Variants in ABCD3 observed in about 807,000 individuals in gnomAD.
ABCD3 encodes the protein ATP-binding cassette sub-family D member 3.
ABCD3 carries 41 observed loss-of-function variants against 105.5 expected under a neutral mutation model. The ratio of observed to expected loss-of-function variants is 0.39; its 90% CI spans 0.30 to 0.50. The LOEUF is 0.50. ABCD3 is among the 20% of genes least tolerant of loss of function. The probability of loss-of-function intolerance (pLI) is 0.84; values close to 1 mark genes in which losing one functional copy is unlikely to be tolerated. For synonymous variants in ABCD3, 258 were observed against 269.0 expected, an observed-to-expected ratio of 0.96 and a Z score of 0.40; for missense variants, 622 against 806.3, an observed-to-expected ratio of 0.77 and a Z score of 2.77.
chr1:94,468,475 A>G (rs1648269740), intron 4 of ABCD3, among the ~76,000 whole-genome samples: 1 of 152,114 alleles, frequency 6.6e-6, no homozygotes, highest in Non-Finnish European at 1.5e-5. Flanking sequence ...TGCTTTTTAT[A>G]TTTTTTCATT....
At chr1:94,395,355 G>A in the ABCD3 span, among the ~76,000 whole-genome samples, 1 of 152,174 alleles carries the variant, frequency 6.6e-6, no homozygotes, top group African/African-American at 2.4e-5. Flanking sequence ...GTTCCACAGG[G>A]AACTCCTCAA....
At chr1:94,430,386 CA>C (rs1659625886) in intron 1 of ABCD3, among the ~76,000 whole-genome samples, 1 of 152,096 alleles carries the variant, frequency 6.6e-6, no homozygotes, top group African/African-American at 2.4e-5. Flanking sequence ...GGGACTGGGG[CA>C]GAATGATATG....
chr1:94,400,555 A>G, the ABCD3 span, among the ~76,000 whole-genome samples: 1 of 152,142 alleles, frequency 6.6e-6, no homozygotes, highest in Non-Finnish European at 1.5e-5. Context: ...CCAGTGTGGC[A>G]CTCTGAGGCA....
chr1:94,480,208 TAGG>T (rs1648970313), intron 8 of ABCD3: 1 of 513,924 alleles, frequency 1.9e-6, no homozygotes, highest in Admixed American at 3.3e-5. Context: ...GAACTGCAAT[TAGG>T]AGTTTTTAGG....
the ABCD3 span, among the ~76,000 whole-genome samples, chr1:94,393,655 G>C: frequency 2.6e-5 from 4 of 151,554 alleles, no homozygotes; most frequent in African/African-American, 9.7e-5. Flanking sequence ...AGAAAGAAAA[G>C]AAAAGAAAGA....
Position 94,455,599 on chromosome 1 carries a change from A to G in ABCD3, c.111-3008A>G, listed in dbSNP as rs145388449. Reference sequence around the variant, plus strand: ...CTTAACCTCCCAAAGTGCTGGGATTATAGATGTAAGCCACTGCACCTGGCA... The same window carrying G: ...CTTAACCTCCCAAAGTGCTGGGATTGTAGATGTAAGCCACTGCACCTGGCA... On this transcript the variant is annotated intron_variant, in intron 1 of 22. Transcript: ENST00000370214. 1.8e-3 allele frequency: 560 copies of G among 315,032 alleles called. 5 individuals are homozygous for G. Among genetic ancestry groups the G allele is most frequent in the African/African-American group, 0.012 (528 of 44,894 alleles). 19.5% of individuals were successfully genotyped at this position (315,032 alleles called of 1,614,324 possible).
At chr1:94,500,749 C>T (rs1168589890) in intron 20 of ABCD3, among the ~76,000 whole-genome samples, 1 of 152,096 alleles carries the variant, frequency 6.6e-6, no homozygotes, top group Non-Finnish European at 1.5e-5. Flanking sequence ...ACCCACTCTA[C>T]ATGAGGTTAA....
intron 1 of ABCD3, among the ~76,000 whole-genome samples, chr1:94,454,681 T>G (rs1419891794): frequency 6.6e-6 from 1 of 152,240 alleles, no homozygotes; most frequent in Non-Finnish European, 1.5e-5. Context: ...AGATGAAGTC[T>G]TGGTCTGTCA....
intron 20 of ABCD3, among the ~76,000 whole-genome samples, chr1:94,501,693 T>G (rs1181886970): frequency 6.6e-6 from 1 of 152,220 alleles, no homozygotes; most frequent in Admixed American, 6.5e-5. Context: ...AAAAGTTATC[T>G]TTTCCACTCC....
chr1:94,508,720 T>G (rs1295557683), intron 21 of ABCD3, among the ~76,000 whole-genome samples: 2 of 151,858 alleles, frequency 1.3e-5, no homozygotes, highest in South Asian at 4.2e-4. Context: ...CCCTTGTAAG[T>G]TGGATTCCTA....
chr1:94,466,386 G>C (rs1648136359), intron 3 of ABCD3, among the ~76,000 whole-genome samples: 1 of 151,806 alleles, frequency 6.6e-6, no homozygotes, highest in Non-Finnish European at 1.5e-5. Context: ...TGGTCTTTTT[G>C]CTTCTTTTCC....
chr1:94,486,958 A>G (rs1649303570), intron 10 of ABCD3, among the ~76,000 whole-genome samples: 1 of 152,224 alleles, frequency 6.6e-6, no homozygotes, highest in African/African-American at 2.4e-5. Flanking sequence ...GTTTGAGAAC[A>G]CTACAACTCC....
At position 94,517,227 on chromosome 1, in the gene ABCD3, TTA is replaced by T; in HGVS notation, c.*99_*100del. On this transcript the variant is annotated 3_prime_UTR_variant, in exon 23 of 23. Coordinates refer to ENST00000370214, the MANE Select transcript of ABCD3 (RefSeq NM_002858.4). ...AAAATAAAGTTGAGCTTAGTTTTTT[TTA>T]AAAAAAAAAACAAAGCAACAAATTA... is the stretch of plus-strand genomic sequence containing the variant. 1 of 947,330 alleles carries T rather than the reference TTA, an allele frequency of 1.1e-6. No homozygotes were observed. Among genetic ancestry groups the T allele is most frequent in the Non-Finnish European group, 1.7e-6 (1 of 599,744 alleles). The allele number at this position is 947,330 out of a possible 1,614,324, so 58.7% of individuals were successfully genotyped here. A position where few individuals can be genotyped will look rare whatever the true frequency, so the allele number is the denominator to read the frequency against.
At chr1:94,431,200 G>A (rs1330191641) in intron 1 of ABCD3, among the ~76,000 whole-genome samples, 5 of 152,158 alleles carry the variant, frequency 3.3e-5, no homozygotes, top group African/African-American at 1.2e-4. Context: ...TATCTTGGAG[G>A]TGTGGCTAAA....
chr1:94,428,060 C>G (rs1465501660), intron 1 of ABCD3, among the ~76,000 whole-genome samples: 16 of 150,276 alleles, frequency 1.1e-4, no homozygotes, highest in African/African-American at 3.9e-4. Context: ...TAGGAGTATG[C>G]TAAAAGGTGT....
At chr1:94,468,563 T>C (rs949927807) in intron 4 of ABCD3, among the ~76,000 whole-genome samples, 2 of 152,220 alleles carry the variant, frequency 1.3e-5, no homozygotes, top group Non-Finnish European at 2.9e-5. Flanking sequence ...AGTTGGGATA[T>C]CTTGGGTTAT....
At chr1:94,434,825 C>T (rs776675054) in intron 1 of ABCD3, among the ~76,000 whole-genome samples, 26 of 152,216 alleles carry the variant, frequency 1.7e-4, no homozygotes, top group Non-Finnish European at 3.2e-4. Flanking sequence ...ACTGCAGAAG[C>T]CTTCCACATG....
chr1:94,510,483 A>G (rs1179078374), intron 21 of ABCD3, among the ~76,000 whole-genome samples: 1 of 151,980 alleles, frequency 6.6e-6, no homozygotes, highest in African/African-American at 2.4e-5. Flanking sequence ...TGGGGTGGAG[A>G]GTTCTGTAGA....
At chr1:94,442,300 C>T (rs953541085) in intron 1 of ABCD3, among the ~76,000 whole-genome samples, 21 of 152,190 alleles carry the variant, frequency 1.4e-4, no homozygotes, top group Admixed American at 9.2e-4. Context: ...TGTGGCTCTT[C>T]TGCCTTTTTT....
Sources: allele counts gnomAD v4.1 joint callset (sites outside exome capture counted in the v4.1 genomes callset), GRCh38; gene constraint gnomAD v4.1.1; transcripts MANE v1.5; gene names NCBI Gene and HGNC (gene_info 2026-07-23, HGNC 2026-07-21).